Variants in CHST11 observed in about 807,000 individuals in gnomAD.
CHST11 encodes the protein C4S-1.
CHST11 carries 9 observed loss-of-function variants against 30.4 expected under a neutral mutation model. The ratio of observed to expected loss-of-function variants is 0.30; its 90% CI spans 0.18 to 0.52. CHST11 has a LOEUF of 0.52. Ranked by LOEUF, CHST11 falls within the 20% of genes least tolerant of loss-of-function variation. The pLI is 0.97. For synonymous variants in CHST11, 152 were observed against 187.8 expected, an observed-to-expected ratio of 0.81 and a Z score of 1.56; for missense variants, 348 against 460.6, an observed-to-expected ratio of 0.76 and a Z score of 2.24.
At position 104,577,234 on chromosome 12, in the gene CHST11, ATTTTTTTTTTTT is replaced by A. The variant is rs34967812; in HGVS notation, c.119-24655_119-24644del. 1.1e-3 allele frequency among the ~76,000 whole-genome samples: 84 copies of A among 74,252 alleles called. 2 individuals carry two copies. The East Asian group carries it at 0.029, about 25-fold the overall frequency. 48.7% of individuals were successfully genotyped at this position (74,252 alleles called of 152,430 possible). A position where few individuals can be genotyped will look rare whatever the true frequency, so the allele number is the denominator to read the frequency against. ...GTGTATCTGAGGGCTGCAGCCCTTCATTTTTTTTTTTTTTTTTTTTTTTTTTTTGGTATTTAA... is the reference window on the plus strand; with the variant it reads ...GTGTATCTGAGGGCTGCAGCCCTTCATTTTTTTTTTTTTTTTGGTATTTAA... On this transcript the variant is annotated intron_variant, in intron 1 of 2. Coordinates refer to ENST00000303694, the MANE Select transcript of CHST11 (RefSeq NM_018413.6).
chr12:104,607,210 C>T (rs1036225823), intron 2 of CHST11, among the ~76,000 whole-genome samples: 9 of 152,110 alleles, frequency 5.9e-5, no homozygotes, highest in Non-Finnish European at 8.8e-5. Context: ...AGAATTCTGC[C>T]GTGGGATAGA....
At chr12:104,595,134 G>A (rs376004821) in intron 1 of CHST11, among the ~76,000 whole-genome samples, 1 of 152,056 alleles carries the variant, frequency 6.6e-6, no homozygotes, top group Non-Finnish European at 1.5e-5. Context: ...CTGGGTTACC[G>A]AGACAAGGAG....
At chr12:104,465,817 G>A (rs1353402628) in intron 1 of CHST11, among the ~76,000 whole-genome samples, 1 of 151,948 alleles carries the variant, frequency 6.6e-6, no homozygotes, top group Middle Eastern at 3.2e-3. Context: ...CTGTTCTGCT[G>A]TGTTTCAGGG....
intron 1 of CHST11, among the ~76,000 whole-genome samples, chr12:104,533,230 A>G (rs1171165431): frequency 1.3e-5 from 2 of 152,238 alleles, no homozygotes; most frequent in African/African-American, 2.4e-5. Context: ...ATACTTGATT[A>G]TCATCCCTTT....
intron 2 of CHST11, among the ~76,000 whole-genome samples, chr12:104,752,505 C>CTTACTTAT (rs1043503835): frequency 7.4e-5 from 11 of 149,440 alleles, no homozygotes; most frequent in African/African-American, 1.7e-4. Flanking sequence ...AATTTATTTA[C>CTTACTTAT]TTATTTATTT....
chr12:104,457,257 C>T lies in CHST11; in HGVS notation c.-155C>T, dbSNP rs2037359355. 1.7e-6 allele frequency: 1 copy of T among 588,334 alleles called. No individual in the cohort carries two copies. The highest frequency in any genetic ancestry group is 3.0e-6 in the Non-Finnish European group (1 of 330,094). 36.4% of individuals were successfully genotyped at this position (588,334 alleles called of 1,614,324 possible). On this transcript the variant is annotated 5_prime_UTR_variant, in exon 1 of 3. Coordinates refer to ENST00000303694, the MANE Select transcript of CHST11 (RefSeq NM_018413.6). ...CACACCCCTGCCCGGGCTGGGGGCTCCGAGAGCGGCCGCGAAGCGACTCCG... is the reference window on the plus strand; with the variant it reads ...CACACCCCTGCCCGGGCTGGGGGCTTCGAGAGCGGCCGCGAAGCGACTCCG...
rs1237957348 is a variant in CHST11 at position 104,757,661 on chromosome 12, A to G, written c.917A>G (p.Lys306Arg). ...GSYLKFPTYA[K>R]STRTTDEMTT... ...TACCTGAAGTTCCCCACCTATGCAA[A>G]GTCTACGAGAACTACTGATGAAATG... is the stretch of plus-strand genomic sequence containing the variant. Residue 306 changes from lysine (K) to arginine (R), a missense_variant, in exon 3 of 3, where the codon AAG (lysine) becomes AGG (arginine). Lys to Arg is a conservative substitution (Grantham distance 26). Transcript: ENST00000303694. The surrounding 1 kb of genome is among the most constrained non-coding windows in gnomAD (Gnocchi z 6.5). 1 of 1,614,038 alleles carries G rather than the reference A, an allele frequency of 6.2e-7. No individual in the cohort carries two copies. Among genetic ancestry groups the G allele is most frequent in the East Asian group, 2.2e-5 (1 of 44,886 alleles).
intron 2 of CHST11, among the ~76,000 whole-genome samples, chr12:104,637,355 A>AG (rs2039335546): frequency 1.6e-5 from 1 of 64,064 alleles, no homozygotes. Context: ...GGGAGGGGGG[A>AG]GGGATAGCAT....
At position 104,485,313 on chromosome 12, in the gene CHST11, C is replaced by T. The variant is rs567625317; in HGVS notation, c.118+27784C>T. On this transcript the variant is annotated intron_variant, in intron 1 of 2. Coordinates refer to ENST00000303694, the MANE Select transcript of CHST11 (RefSeq NM_018413.6). ...ATAAAAAATCGGGAACACGAAGGCA[C>T]GACAGCAAATGATTCCAGCAGAGAA... 4.6e-5 allele frequency among the ~76,000 whole-genome samples: 7 copies of T among 152,288 alleles called. No homozygotes were observed. The South Asian group carries it at 8.3e-4, about 18-fold the overall frequency.
At chr12:104,671,155 C>T (rs2039692643) in intron 2 of CHST11, among the ~76,000 whole-genome samples, 2 of 152,168 alleles carry the variant, frequency 1.3e-5, no homozygotes, top group Non-Finnish European at 2.9e-5. Flanking sequence ...ATGACCTTTT[C>T]CTTTTAGCTG....
chr12:104,678,822 G>A (rs780763574), intron 2 of CHST11, among the ~76,000 whole-genome samples: 9 of 152,230 alleles, frequency 5.9e-5, no homozygotes, highest in South Asian at 4.1e-4. Flanking sequence ...TCTCGGTTAC[G>A]TTTGGAATTA....
intron 2 of CHST11, among the ~76,000 whole-genome samples, chr12:104,747,906 G>A (rs2040401097): frequency 1.3e-5 from 2 of 151,978 alleles, no homozygotes; most frequent in Non-Finnish European, 2.9e-5. Context: ...TTAATTTAAG[G>A]GAAACCAGCT....
At chr12:104,725,846 C>T (rs1566055415) in intron 2 of CHST11, among the ~76,000 whole-genome samples, 1 of 152,094 alleles carries the variant, frequency 6.6e-6, no homozygotes, top group South Asian at 2.1e-4. Flanking sequence ...GTTCATCACT[C>T]ACCAGACTCA....
At chr12:104,638,111 G>A (rs1018030886) in intron 2 of CHST11, among the ~76,000 whole-genome samples, 3 of 152,110 alleles carry the variant, frequency 2.0e-5, no homozygotes, top group Admixed American at 6.5e-5. Flanking sequence ...TGGGTCTTCC[G>A]GGTCATAACC....
chr12:104,535,645 T>A (rs1052889513), intron 1 of CHST11, among the ~76,000 whole-genome samples: 4 of 152,098 alleles, frequency 2.6e-5, no homozygotes, highest in Non-Finnish European at 5.9e-5. Flanking sequence ...TAAAATTGAA[T>A]CCATATGGGT....
intron 2 of CHST11, among the ~76,000 whole-genome samples, chr12:104,714,183 C>T (rs1452991194): frequency 6.6e-6 from 1 of 152,202 alleles, no homozygotes; most frequent in Non-Finnish European, 1.5e-5. Context: ...GAGAGTCCCA[C>T]TAAGGGGAGC....
rs554563608 is a variant in CHST11, at chr12:104,755,601, C to T, written c.205-1348C>T. ...AGGAGTTTGAGACCAGCCTGACCAA[C>T]GTAGTGAAACCCCGTCTCTACTAAA... On this transcript the variant is annotated intron_variant, in intron 2 of 2. Coordinates refer to ENST00000303694, the MANE Select transcript of CHST11 (RefSeq NM_018413.6). Among the ~76,000 whole-genome samples, 257 of 152,166 alleles carry T rather than the reference C, an allele frequency of 1.7e-3. 1 individual carries two copies. The highest frequency in any genetic ancestry group is 5.8e-3 in the African/African-American group (242 of 41,496).
At chr12:104,677,543 G>A (rs1168968458) in intron 2 of CHST11, among the ~76,000 whole-genome samples, 1 of 152,202 alleles carries the variant, frequency 6.6e-6, no homozygotes, top group Non-Finnish European at 1.5e-5. Flanking sequence ...AGCCTAAATA[G>A]CAACTCTGTT....
intron 2 of CHST11, among the ~76,000 whole-genome samples, chr12:104,643,914 C>T (rs1293196100): frequency 6.6e-6 from 1 of 152,172 alleles, no homozygotes; most frequent in East Asian, 1.9e-4. Flanking sequence ...AACCTGATTC[C>T]TCTGGTACCA....
Sources: gnomAD v4.1 joint callset for allele counts (sites outside exome capture counted in the v4.1 genomes callset) on GRCh38, gnomAD v4.1.1 for gene constraint, Gnocchi (gnomAD v3.1) non-coding constraint, MANE v1.5 for transcripts, NCBI Gene and HGNC (gene_info 2026-07-23, HGNC 2026-07-21) for gene names.